IGHMBP2: variants seen among roughly 807,000 people sequenced by gnomAD.
The protein encoded by IGHMBP2 is immunoglobulin mu DNA binding protein 2.
In IGHMBP2, 81 loss-of-function variants were observed where a neutral mutation model predicts 96.0. The observed-to-expected ratio is 0.84, with a 90% confidence interval of 0.71 to 1.01. IGHMBP2 has a LOEUF of 1.01. IGHMBP2 is among the 50% of genes least tolerant of loss of function. The pLI, the probability that IGHMBP2 is intolerant of heterozygous loss-of-function variation, is 0.00. For synonymous variants in IGHMBP2, 557 were observed against 548.9 expected (o/e 1.01, Z -0.21); for missense variants, 1,227 against 1,306.3 (o/e 0.94, Z 0.94).
At chr11:68,906,271 A>G (rs771226710) in intron 2 of IGHMBP2, 33 bp downstream of exon 2, 2 of 1,608,058 alleles carry the variant, frequency 1.2e-6, no homozygotes, top group East Asian at 4.5e-5. Context: ...AGACATTGAA[A>G]TTTACTGGCA....
Position 68,914,886 on chromosome 11 carries a change from A to C in IGHMBP2, c.775A>C (p.Lys259Gln). Reference protein sequence around the residue: ...DNLVERLALCKQRILRLGHPA... With the variant: ...DNLVERLALCQQRILRLGHPA... ...TCTGGTGGAGCGCCTGGCTCTGTGTAAGCAGCGGATTCTGCGCCTGGGACA... is the reference window on the plus strand; with the variant it reads ...TCTGGTGGAGCGCCTGGCTCTGTGTCAGCAGCGGATTCTGCGCCTGGGACA... The change falls in exon 6 of 15, where the codon AAG becomes CAG. Residue 259 changes from lysine (K) to glutamine (Q), a missense_variant. This residue lies in a region of IGHMBP2 where 507 missense variants were observed against 496.9 expected (regional missense o/e 1.02). Transcript: ENST00000255078. The C allele has an allele frequency of 6.2e-7, 1 of 1,614,214 alleles. No individual in the cohort carries two copies. Among genetic ancestry groups the C allele is most frequent in the Non-Finnish European group, 8.5e-7 (1 of 1,180,030 alleles).
At chr11:68,935,689 C>T (rs1024175195) in intron 12 of IGHMBP2, among the ~76,000 whole-genome samples, 12 of 152,262 alleles carry the variant, frequency 7.9e-5, no homozygotes, top group East Asian at 7.7e-4. Context: ...GACATCCTGC[C>T]GAGGAGGTGA....
intron 7 of IGHMBP2, among the ~76,000 whole-genome samples, chr11:68,922,316 CA>C (rs565249784): frequency 3.2e-4 from 45 of 138,788 alleles, no homozygotes; most frequent in South Asian, 1.1e-3. Flanking sequence ...GACTCCGTCT[CA>C]AAAAAAAAAA....
intron 1 of IGHMBP2, 120 bp from the exon 2 acceptor site, chr11:68,905,949 G>A: frequency 1.0e-6 from 1 of 1,002,226 alleles, no homozygotes; most frequent in East Asian, 2.4e-5. Context: ...GTTCCATTGG[G>A]ACATATTTAG....
Position 68,903,920 on chromosome 11 carries a change from G to A in IGHMBP2, c.-33G>A, listed in dbSNP as rs769414342. The A allele has an allele frequency of 8.1e-6, 13 of 1,599,240 alleles. No individual in the cohort carries two copies. In the East Asian group the frequency reaches 2.7e-4, roughly 33 times the overall value. On this transcript the variant is annotated 5_prime_UTR_variant, in exon 1 of 15. Coordinates refer to ENST00000255078, the MANE Select transcript of IGHMBP2 (RefSeq NM_002180.3). ...CACCGGCCCGGCGCAGAAGCGGGAC[G>A]TCGGCTTCTAGGGGCCCAGGCCGGC...
chr11:68,911,802 C>T (rs771008814), intron 5 of IGHMBP2, among the ~76,000 whole-genome samples, 199 bp downstream of exon 5: 2 of 152,254 alleles, frequency 1.3e-5, no homozygotes, highest in Non-Finnish European at 2.9e-5. Flanking sequence ...GCGCAGGAGC[C>T]GTAGCCTGGG....
chr11:68,914,731 C>T, intron 5 of IGHMBP2, 92 bp from the exon 6 acceptor site: 1 of 1,366,806 alleles, frequency 7.3e-7, no homozygotes, highest in Non-Finnish European at 1.0e-6. Flanking sequence ...CCTTGTGCTT[C>T]TTTCTACCTT....
Position 68,925,456 on chromosome 11 carries a change from A to C in IGHMBP2, c.1061-3727A>C, listed in dbSNP as rs144102214. ...GAGCCACCACACCTGGCTAGATTCT[A>C]ATTGGCTTTGTAGTTATTGCTTTAT... On this transcript the variant is annotated intron_variant, in intron 7 of 14. Transcript: ENST00000255078. Among the ~76,000 whole-genome samples the C allele has an allele frequency of 9.0e-4, 137 of 152,198 alleles. 3 individuals are homozygous for C. In the South Asian group the frequency reaches 0.019, roughly 21 times the overall value.
rs1234917202 is a variant in IGHMBP2, at chr11:68,938,294, C to T, written c.2724C>T (p.Thr908=). 5 of 1,613,334 alleles carry T rather than the reference C, an allele frequency of 3.1e-6. No homozygotes were observed. The highest frequency in any genetic ancestry group is 4.2e-6 in the Non-Finnish European group (5 of 1,179,990). Residue 908 remains threonine, a synonymous_variant, in exon 14 of 15, where the codon ACC becomes ACT. Coordinates refer to ENST00000255078, the MANE Select transcript of IGHMBP2 (RefSeq NM_002180.3). ...GFAKCTAGVT[T]LGQFCQLCSR... ...CCAAGTGCACAGCCGGCGTCACAACCCTGGGCCAGTTCTGCCAGCTCTGCA... is the reference window on the plus strand; with the variant it reads ...CCAAGTGCACAGCCGGCGTCACAACTCTGGGCCAGTTCTGCCAGCTCTGCA...
intron 14 of IGHMBP2, 90 bp downstream of exon 14, chr11:68,938,444 G>T (rs1241925181): frequency 3.4e-6 from 4 of 1,180,312 alleles, no homozygotes; most frequent in African/African-American, 1.5e-5. Flanking sequence ...ACTTGTTCCA[G>T]TCGGAACAGT....
Position 68,912,514 on chromosome 11 carries a change from G to GT in IGHMBP2, c.711+924dup, listed in dbSNP as rs35731883. 1.8e-3 allele frequency among the ~76,000 whole-genome samples: 263 copies of GT among 147,536 alleles called. 4 individuals carry two copies. In the East Asian group the frequency reaches 0.038, roughly 21 times the overall value. On this transcript the variant is annotated intron_variant, in intron 5 of 14. Transcript: ENST00000255078. ...CATTGTGGATCTTGGCACATGGAGAGTTTTTTTTTTTTTAATTTATTTATT... is the reference window on the plus strand; with the variant it reads ...CATTGTGGATCTTGGCACATGGAGAGTTTTTTTTTTTTTTAATTTATTTATT...
chr11:68,922,832 T>A (rs1008412616), intron 7 of IGHMBP2, among the ~76,000 whole-genome samples: 4 of 152,234 alleles, frequency 2.6e-5, no homozygotes, highest in Admixed American at 1.3e-4. Context: ...CAGCTGAACC[T>A]TTATACTTGC....
rs781585314 is a variant in IGHMBP2, at chr11:68,937,132, T to A, written c.2611+41T>A. Reference sequence around the variant, plus strand: ...AGAACTTGGGGCAGTGTCCCCTCACTGGGGTGCTGGCCCCACTTGGAGCCC... The same window carrying A: ...AGAACTTGGGGCAGTGTCCCCTCACAGGGGTGCTGGCCCCACTTGGAGCCC... On this transcript the variant is annotated intron_variant, in intron 13 of 14. Coordinates refer to ENST00000255078, the MANE Select transcript of IGHMBP2 (RefSeq NM_002180.3). 3.8e-6 allele frequency: 6 copies of A among 1,594,904 alleles called. No individual in the cohort carries two copies. In the East Asian group the frequency reaches 1.3e-4, roughly 36 times the overall value.
chr11:68,918,160 G>T (rs1312626473), intron 7 of IGHMBP2, among the ~76,000 whole-genome samples: 4 of 152,098 alleles, frequency 2.6e-5, no homozygotes, highest in Admixed American at 2.0e-4. Flanking sequence ...CTAAACGGTT[G>T]AATTTAGAGG....
In IGHMBP2 at chr11:68,939,974, G is replaced by T. The variant is rs1263725126; in HGVS notation, c.*243G>T. ...TGCAGGTGGGGCTTGGGAAATGCAC[G>T]TCCCTTCCCCTTACTCCCCGCCAAA... On this transcript the variant is annotated 3_prime_UTR_variant, in exon 15 of 15. Coordinates refer to ENST00000255078, the MANE Select transcript of IGHMBP2 (RefSeq NM_002180.3). The T allele has an allele frequency of 1.8e-6, 1 of 562,354 alleles. No homozygotes were observed. Among genetic ancestry groups the T allele is most frequent in the Non-Finnish European group, 3.2e-6 (1 of 315,496 alleles). 34.8% of individuals were successfully genotyped at this position (562,354 alleles called of 1,614,324 possible). A position where few individuals can be genotyped will look rare whatever the true frequency, so the allele number is the denominator to read the frequency against.
chr11:68,908,963 C>T (rs1858313653), intron 4 of IGHMBP2, among the ~76,000 whole-genome samples: 1 of 151,168 alleles, frequency 6.6e-6, no homozygotes, highest in African/African-American at 2.4e-5. Flanking sequence ...GCCTCAACCT[C>T]CCAAGTAGCT....
At chr11:68,909,189 G>A (rs1251373408) in intron 4 of IGHMBP2, among the ~76,000 whole-genome samples, 3 of 43,840 alleles carry the variant, frequency 6.8e-5, no homozygotes, top group African/African-American at 2.9e-4. Context: ...GGGGGGTGGA[G>A]GGGGGGGGCG....
intron 4 of IGHMBP2, among the ~76,000 whole-genome samples, chr11:68,909,759 T>C (rs1342552396): frequency 6.6e-6 from 1 of 151,598 alleles, no homozygotes; most frequent in Admixed American, 6.6e-5. Flanking sequence ...TCCCAAGTAG[T>C]TGGGATTACA....
chr11:68,934,142 G>A (rs1859429497), intron 10 of IGHMBP2: 2 of 615,772 alleles, frequency 3.2e-6, no homozygotes, highest in Admixed American at 5.1e-5. Flanking sequence ...GCCTTCTCCT[G>A]AATGGTGGCC....
Sources: gnomAD v4.1 joint callset for allele counts (sites outside exome capture counted in the v4.1 genomes callset) on GRCh38, gnomAD v4.1.1 for gene constraint, gnomAD v4.1.1 regional missense constraint, MANE v1.5 for transcripts, NCBI Gene and HGNC (gene_info 2026-07-23, HGNC 2026-07-21) for gene names.